Variants in CMTM4 observed in about 807,000 individuals in gnomAD.
The protein encoded by CMTM4 is CKLF like MARVEL transmembrane domain containing 4.
In CMTM4, 8 loss-of-function variants were observed where a neutral mutation model predicts 19.0. The observed-to-expected ratio is 0.42, with a 90% CI of 0.25 to 0.76. CMTM4 has a LOEUF of 0.76. CMTM4 is among the 30% of genes least tolerant of loss of function. The probability of loss-of-function intolerance (pLI) is 0.27; values close to 1 mark genes in which losing one functional copy is unlikely to be tolerated. For synonymous variants in CMTM4, 106 were observed against 121.1 expected (o/e 0.88, Z 0.82); for missense variants, 228 against 290.2 (o/e 0.79, Z 1.56).
chr16:66,612,394 A>AC (rs1474040726), downstream of CMTM4, among the ~76,000 whole-genome samples: 1 of 150,420 alleles, frequency 6.6e-6, no homozygotes, highest in Non-Finnish European at 1.5e-5. This position sits in a 1 kb window ranked among gnomAD's most constrained non-coding sequence, Gnocchi z 6.0. Context: ...AACAACAACA[A>AC]AAAAAAAAGA....
chr16:66,605,518 G>C, the CMTM4 span: 1 of 152,562 alleles, frequency 6.6e-6, no homozygotes, highest in Admixed American at 6.5e-5. This position sits in a 1 kb window ranked among gnomAD's most constrained non-coding sequence, Gnocchi z 4.6. Flanking sequence ...CGGCCGGTGG[G>C]GCTTCTTTGT....
rs565571149 is a variant in CMTM4, at chr16:66,620,954, C to T, written c.*1104G>A. 15 of 985,870 alleles carry T rather than the reference C, an allele frequency of 1.5e-5. No individual in the cohort carries two copies. The African/African-American group carries it at 2.4e-4, about 16-fold the overall frequency. The allele number at this position is 985,870 out of a possible 1,614,324, so 61.1% of individuals were successfully genotyped here. On this transcript the variant is annotated 3_prime_UTR_variant, in exon 4 of 4. Transcript: ENST00000394106. Reference sequence around the variant, plus strand: ...GCTAGGATTTTTCCCCCCAACAACTCCCAAGAATGATGTCTACAGTTATGA... The same window carrying T: ...GCTAGGATTTTTCCCCCCAACAACTTCCAAGAATGATGTCTACAGTTATGA...
At chr16:66,685,664 G>A (rs1490153748) in intron 1 of CMTM4, among the ~76,000 whole-genome samples, 2 of 152,058 alleles carry the variant, frequency 1.3e-5, no homozygotes, top group East Asian at 1.9e-4. Context: ...TGTTTTTTGA[G>A]GTAGGGTCTC....
chr16:66,663,593 A>C (rs148713143), intron 1 of CMTM4, among the ~76,000 whole-genome samples: 1,607 of 115,534 alleles, frequency 0.014, 31 homozygotes, highest in African/African-American at 0.048. Flanking sequence ...GTCAGGCTGG[A>C]GTTCAGTGGT....
At chr16:66,608,198 G>T in the CMTM4 span, 1 of 1,192,350 alleles carries the variant, frequency 8.4e-7, no homozygotes, top group Non-Finnish European at 1.2e-6. The surrounding 1 kb of genome is among the most constrained non-coding windows in gnomAD (Gnocchi z 5.1). Context: ...GTGAGCAGTT[G>T]GCTTCCCCTG....
intron 1 of CMTM4, among the ~76,000 whole-genome samples, chr16:66,651,776 T>G (rs1054798567): frequency 6.6e-6 from 1 of 152,100 alleles, no homozygotes; most frequent in Non-Finnish European, 1.5e-5. Context: ...CTAAGAAAAA[T>G]AATCCATGAG....
In CMTM4 at chr16:66,618,908, G is replaced by A. The variant is rs1265093286; in HGVS notation, c.*3150C>T. ...TGCCGCTGGCTTCCCAGGGCCAAGC[G>A]CTCAGAGCTGGGCCGGACTTGCCCA... On this transcript the variant is annotated 3_prime_UTR_variant, in exon 4 of 4. Transcript: ENST00000394106. The A allele has an allele frequency of 6.1e-6, 6 of 985,398 alleles. No homozygotes were observed. Among genetic ancestry groups the A allele is most frequent in the African/African-American group, 5.2e-5 (3 of 57,264 alleles). The allele number at this position is 985,398 out of a possible 1,614,324, so 61.0% of individuals were successfully genotyped here. A position where few individuals can be genotyped will look rare whatever the true frequency, so the allele number is the denominator to read the frequency against.
At chr16:66,626,902 C>G (rs1328923974) in intron 2 of CMTM4, among the ~76,000 whole-genome samples, 2 of 151,970 alleles carry the variant, frequency 1.3e-5, no homozygotes, top group African/African-American at 2.4e-5. Context: ...GAGTTCGAGA[C>G]CAGCCTGGGC....
At chr16:66,654,269 T>C (rs974614756) in intron 1 of CMTM4, among the ~76,000 whole-genome samples, 5 of 151,998 alleles carry the variant, frequency 3.3e-5, no homozygotes, top group African/African-American at 1.2e-4. Flanking sequence ...AACAGCAGAG[T>C]TGGGGTTCAA....
chr16:66,631,297 CGGGA>C (rs1189297627), intron 2 of CMTM4, among the ~76,000 whole-genome samples: 1 of 150,640 alleles, frequency 6.6e-6, no homozygotes, highest in Non-Finnish European at 1.5e-5. Flanking sequence ...CCGCCCGGTC[CGGGA>C]GGGAGGTGGG....
intron 1 of CMTM4, among the ~76,000 whole-genome samples, chr16:66,641,904 G>T (rs1196358709): frequency 1.3e-5 from 2 of 151,972 alleles, no homozygotes; most frequent in Non-Finnish European, 2.9e-5. Context: ...GTTTCCACAG[G>T]TATGTCCACA....
At chr16:66,657,444 T>C (rs2016419229) in intron 1 of CMTM4, among the ~76,000 whole-genome samples, 3 of 152,148 alleles carry the variant, frequency 2.0e-5, no homozygotes, top group African/African-American at 7.2e-5. Flanking sequence ...AGTAATCTTG[T>C]CTTTAGGACA....
Position 66,649,252 on chromosome 16 carries a change from G to A in CMTM4, c.187-12671C>T, listed in dbSNP as rs550734243. Among the ~76,000 whole-genome samples, 415 of 152,194 alleles carry A rather than the reference G, an allele frequency of 2.7e-3. 2 individuals are homozygous for A. The highest frequency in any genetic ancestry group is 9.2e-3 in the African/African-American group (382 of 41,536). On this transcript the variant is annotated intron_variant, in intron 1 of 3. Coordinates refer to ENST00000394106, the MANE Select transcript of CMTM4 (RefSeq NM_181521.3). ...AGAAAAAGTTCCTGAGGTGGGTGTG[G>A]ACATTTGCCTTTATGTTTTAAAAGT... is the stretch of plus-strand genomic sequence containing the variant.
chr16:66,639,537 G>A (rs1379834008), intron 1 of CMTM4, among the ~76,000 whole-genome samples: 1 of 152,140 alleles, frequency 6.6e-6, no homozygotes, highest in Non-Finnish European at 1.5e-5. Context: ...TGGAAGCAGG[G>A]AAGGTGAACA....
In CMTM4 at chr16:66,696,609, C is replaced by CAT. The variant is rs2017243383; in HGVS notation, c.-85_-84insAT. 1 of 644,224 alleles carries CAT rather than the reference C, an allele frequency of 1.6e-6. No individual in the cohort carries two copies. Among genetic ancestry groups the CAT allele is most frequent in the Non-Finnish European group, 1.9e-6 (1 of 535,202 alleles). 39.9% of individuals were successfully genotyped at this position (644,224 alleles called of 1,614,324 possible). A position where few individuals can be genotyped will look rare whatever the true frequency, so the allele number is the denominator to read the frequency against. ...ACTCAGCGGGGCCGCCGCATCGCCG[C>CAT]CGCCGCCGCCGCCGCCGCCGCCCGA... On this transcript the variant is annotated 5_prime_UTR_variant, in exon 1 of 4. In the 5' UTR this introduces an upstream ATG that the reference lacks. Coordinates refer to ENST00000394106, the MANE Select transcript of CMTM4 (RefSeq NM_181521.3). This position sits in a 1 kb window ranked among gnomAD's most constrained non-coding sequence, Gnocchi z 4.3.
chr16:66,628,965 A>AT (rs915396271), intron 2 of CMTM4, among the ~76,000 whole-genome samples: 19 of 151,838 alleles, frequency 1.3e-4, no homozygotes, highest in African/African-American at 3.1e-4. Context: ...TCATCAGATG[A>AT]TTTTTTTTAA....
At chr16:66,632,726 G>A (rs1327597927) in intron 2 of CMTM4, among the ~76,000 whole-genome samples, 1 of 152,076 alleles carries the variant, frequency 6.6e-6, no homozygotes, top group East Asian at 1.9e-4. Flanking sequence ...GAGGAGCCCC[G>A]TGGCACTAAT....
At position 66,696,353 on chromosome 16, in the gene CMTM4, T is replaced by C. The variant is rs2144939971; in HGVS notation, c.173A>G (p.Lys58Arg). Residue 58 changes from lysine to arginine, a missense_variant, in exon 1 of 4, where the codon AAG becomes AGG. Physicochemically the swap from Lys to Arg is conservative, Grantham distance 26 (BLOSUM62 2). Transcript: ENST00000394106. The surrounding 1 kb of genome is among the most constrained non-coding windows in gnomAD (Gnocchi z 4.3). ...CCCGGCACCTACCACTTGGGCGACCTTGAGGCGGCCGAGCGCGCCGCGCAG... is the reference window on the plus strand; with the variant it reads ...CCCGGCACCTACCACTTGGGCGACCCTGAGGCGGCCGAGCGCGCCGCGCAG... ...DYLRGALGRLKVAQVILALIA... is the reference protein window; with the variant it reads ...DYLRGALGRLRVAQVILALIA... The C allele has an allele frequency of 2.1e-6, 3 of 1,415,762 alleles. No individual in the cohort carries two copies. The highest frequency in any genetic ancestry group is 6.4e-5 in the East Asian group (2 of 31,306). 87.7% of individuals were successfully genotyped at this position (1,415,762 alleles called of 1,614,324 possible).
At chr16:66,693,424 A>G (rs2017174349) in intron 1 of CMTM4, among the ~76,000 whole-genome samples, 9 of 152,136 alleles carry the variant, frequency 5.9e-5, no homozygotes, top group Admixed American at 5.9e-4. Flanking sequence ...GCAGAGTTAG[A>G]ACTTACTCAT....
Sources: allele counts gnomAD v4.1 joint callset (sites outside exome capture counted in the v4.1 genomes callset), GRCh38; gene constraint gnomAD v4.1.1; non-coding constraint Gnocchi (gnomAD v3.1); transcripts MANE v1.5; gene names NCBI Gene and HGNC (gene_info 2026-07-23, HGNC 2026-07-21).